Variants in ARSG observed in about 807,000 individuals in gnomAD.
ARSG encodes the protein ASG.
ARSG carries 37 observed loss-of-function variants against 50.5 expected under a neutral mutation model. The ratio of observed to expected loss-of-function variants is 0.73; its 90% CI spans 0.56 to 0.96. ARSG has a LOEUF of 0.96. Among genes scored for constraint, ARSG ranks in the 50% least tolerant of loss-of-function variants. The probability of loss-of-function intolerance (pLI) is 0.00; values close to 1 mark genes in which losing one functional copy is unlikely to be tolerated. For missense variants in ARSG, 629 were observed against 675.3 expected (o/e 0.93, Z 0.76); for synonymous variants, 225 against 254.6 (o/e 0.88, Z 1.11).
At chr17:68,301,036 T>TGAACCTGGAA (rs1329979415) in intron 1 of ARSG, among the ~76,000 whole-genome samples, 7 of 150,594 alleles carry the variant, frequency 4.6e-5, no homozygotes, top group African/African-American at 1.7e-4. Context: ...GAGAATGGTG[T>TGAACCTGGAA]GAACCTGGAA....
chr17:68,393,798 C>T (rs1477585764), intron 9 of ARSG, among the ~76,000 whole-genome samples: 1 of 148,162 alleles, frequency 6.7e-6, no homozygotes, highest in African/African-American at 2.6e-5. Flanking sequence ...ACCCTGGAGG[C>T]AGAGGCTGCA....
chr17:68,352,120 G>GAGAGAC (rs1491520058), intron 5 of ARSG, among the ~76,000 whole-genome samples: 405 of 38,108 alleles, frequency 0.011, 13 homozygotes, highest in African/African-American at 0.033. Context: ...AGAGACAGAG[G>GAGAGAC]AGAGAGAGAG....
rs532483933 is a variant in ARSG at position 68,295,564 on chromosome 17, G to A, written c.-552+3996G>A. 7.1e-4 allele frequency among the ~76,000 whole-genome samples: 108 copies of A among 152,032 alleles called. No individual in the cohort carries two copies. In the Middle Eastern group the frequency reaches 0.01, roughly 14 times the overall value. Reference sequence around the variant, plus strand: ...AAGTCCTAGAAAACAAACCCAGGCTGAGTGTGATAATCCTAGTGCTTTTGG... The same window carrying A: ...AAGTCCTAGAAAACAAACCCAGGCTAAGTGTGATAATCCTAGTGCTTTTGG... On this transcript the variant is annotated intron_variant, in intron 1 of 11. Transcript: ENST00000621439.
intron 4 of ARSG, among the ~76,000 whole-genome samples, chr17:68,349,499 A>G (rs2078658650): frequency 6.6e-6 from 1 of 152,200 alleles, no homozygotes; most frequent in Non-Finnish European, 1.5e-5. Flanking sequence ...TACCAGATGC[A>G]GTAGCATTTC....
intron 2 of ARSG, among the ~76,000 whole-genome samples, chr17:68,328,382 T>C (rs2077588813): frequency 6.6e-6 from 1 of 152,210 alleles, no homozygotes; most frequent in Non-Finnish European, 1.5e-5. Context: ...CAGAAGAAGA[T>C]AACTGAGGCT....
downstream of ARSG, chr17:68,421,851 C>G: frequency 1.2e-6 from 2 of 1,614,072 alleles, no homozygotes; most frequent in Non-Finnish European, 1.7e-6. Flanking sequence ...TGGCCTTACT[C>G]TTCTCAGGAA....
At chr17:68,270,950 T>C (rs1555748284) in intron 1 of ARSG, 1 of 1,614,212 alleles carries the variant, frequency 6.2e-7, no homozygotes, top group South Asian at 1.1e-5. Context: ...AGCAGTGGAA[T>C]GTGAGTCCCT....
At chr17:68,387,079 TCACACA>T (rs72320984) in intron 9 of ARSG, among the ~76,000 whole-genome samples, 58,237 of 145,760 alleles carry the variant, frequency 0.4, 11,446 homozygotes, top group South Asian at 0.45. Context: ...ATATAGTGTA[TCACACA>T]CACACACACA....
intron 8 of ARSG, among the ~76,000 whole-genome samples, chr17:68,376,452 T>C (rs949069440): frequency 6.6e-6 from 1 of 151,738 alleles, no homozygotes; most frequent in Admixed American, 6.6e-5. Flanking sequence ...AATTTTTCTT[T>C]ACCTTTTAAA....
intron 6 of ARSG, among the ~76,000 whole-genome samples, chr17:68,362,064 C>T (rs954377888): frequency 3.3e-5 from 5 of 152,174 alleles, no homozygotes; most frequent in Admixed American, 6.5e-5. Flanking sequence ...ACACAGGACA[C>T]GCATCTTTTG....
At chr17:68,408,444 G>A (rs904215483) in intron 11 of ARSG, among the ~76,000 whole-genome samples, 1 of 151,796 alleles carries the variant, frequency 6.6e-6, no homozygotes, top group African/African-American at 2.4e-5. Flanking sequence ...TCCCTACAAA[G>A]GACATGAACT....
chr17:68,368,489 G>A, intron 6 of ARSG, 59 bp from the exon 7 acceptor site: 1 of 1,525,774 alleles, frequency 6.6e-7, no homozygotes, highest in South Asian at 1.1e-5. Context: ...GGATCCCTGA[G>A]GCACCAGATG....
At chr17:68,321,288 C>G (rs2077272974) in intron 2 of ARSG, among the ~76,000 whole-genome samples, 1 of 152,150 alleles carries the variant, frequency 6.6e-6, no homozygotes, top group South Asian at 2.1e-4. Context: ...TTGCTTGTAG[C>G]TTACAAAGGG....
At chr17:68,429,960 T>C in the ARSG span, 2 of 1,611,598 alleles carry the variant, frequency 1.2e-6, no homozygotes, top group Non-Finnish European at 1.7e-6. Context: ...TTGACGAAAG[T>C]GTGGTCTTGT....
the ARSG span, among the ~76,000 whole-genome samples, chr17:68,437,005 A>ATAGATATAT: frequency 9.3e-6 from 1 of 107,192 alleles, no homozygotes; most frequent in African/African-American, 3.6e-5. Context: ...AAAAAAAAAA[A>ATAGATATAT]ATATATATAT....
At chr17:68,435,223 T>A in the ARSG span, among the ~76,000 whole-genome samples, 1 of 133,130 alleles carries the variant, frequency 7.5e-6, no homozygotes. Context: ...AAAAAAAAAA[T>A]TCAATTGGAT....
rs147292062 is a variant in ARSG at position 68,303,107 on chromosome 17, G to A, written c.-551-3836G>A. On this transcript the variant is annotated intron_variant, in intron 1 of 11. Transcript: ENST00000621439. Reference sequence around the variant, plus strand: ...GGGGCTAGATGCAATCAAATGCTTGGCTTATATAGCTGTATGTTTGGAGGT... The same window carrying A: ...GGGGCTAGATGCAATCAAATGCTTGACTTATATAGCTGTATGTTTGGAGGT... 2.5e-3 allele frequency among the ~76,000 whole-genome samples: 387 copies of A among 152,146 alleles called. 5 individuals carry two copies. Among genetic ancestry groups the A allele is most frequent in the Middle Eastern group, 0.017 (5 of 294 alleles).
At chr17:68,346,811 T>C in intron 3 of ARSG, 2 of 1,338,804 alleles carry the variant, frequency 1.5e-6, no homozygotes, top group Non-Finnish European at 2.0e-6. Context: ...GGAGCCCATG[T>C]GGGGTTGCTG....
downstream of ARSG, chr17:68,421,852 T>G (rs753462174): frequency 1.9e-6 from 3 of 1,613,994 alleles, no homozygotes; most frequent in South Asian, 3.3e-5. Context: ...GGCCTTACTC[T>G]TCTCAGGAAG....
Sources: gnomAD v4.1 joint callset for allele counts (sites outside exome capture counted in the v4.1 genomes callset) on GRCh38, gnomAD v4.1.1 for gene constraint, MANE v1.5 for transcripts, NCBI Gene and HGNC (gene_info 2026-07-23, HGNC 2026-07-21) for gene names.